Variants in DCC observed in about 807,000 individuals in gnomAD.
DCC encodes the protein netrin receptor DCC.
DCC carries 58 observed loss-of-function variants against 172.5 expected under a neutral mutation model. The observed-to-expected ratio is 0.34, with a 90% CI of 0.27 to 0.42. The LOEUF is 0.42. Ranked by LOEUF, DCC falls within the 10% of genes least tolerant of loss-of-function variation. The probability of loss-of-function intolerance (pLI) is 1.00; values close to 1 mark genes in which losing one functional copy is unlikely to be tolerated. For missense variants in DCC, 1,740 were observed against 1,791.0 expected (o/e 0.97, Z 0.51); for synonymous variants, 709 against 644.5 (o/e 1.10, Z -1.52).
At chr18:53,257,919 T>G (rs567578342) in intron 12 of DCC, among the ~76,000 whole-genome samples, 164 of 152,338 alleles carry the variant, frequency 1.1e-3, no homozygotes, top group Non-Finnish European at 2.0e-3. Flanking sequence ...GAGATTCAAC[T>G]TCTTCCTGGT....
intron 5 of DCC, among the ~76,000 whole-genome samples, chr18:53,028,687 A>G (rs1050420479): frequency 9.9e-5 from 15 of 152,184 alleles, no homozygotes; most frequent in African/African-American, 1.7e-4. Flanking sequence ...AACAAGGACA[A>G]TAGTCTCAAT....
intron 9 of DCC, among the ~76,000 whole-genome samples, chr18:53,201,608 A>G (rs2055538720): frequency 6.6e-6 from 1 of 152,222 alleles, no homozygotes; most frequent in South Asian, 2.1e-4. Context: ...TTTAAAATAC[A>G]GTACTGTGAC....
intron 7 of DCC, among the ~76,000 whole-genome samples, chr18:53,078,249 C>T (rs566885569): frequency 6.6e-6 from 1 of 152,128 alleles, no homozygotes; most frequent in East Asian, 1.9e-4. Flanking sequence ...TATGATGGGG[C>T]CACTGCACTC....
intron 12 of DCC, among the ~76,000 whole-genome samples, chr18:53,280,495 G>A (rs1232361543): frequency 4.6e-5 from 7 of 152,066 alleles, no homozygotes; most frequent in Non-Finnish European, 8.8e-5. Context: ...ATTTCTTTGA[G>A]AAGTTTTTTG....
Position 53,402,788 on chromosome 18 carries a change from C to T in DCC, c.2830C>T (p.Pro944Ser), listed in dbSNP as rs1177212062. 1.2e-6 allele frequency: 2 copies of T among 1,612,586 alleles called. No individual in the cohort carries two copies. Among genetic ancestry groups the T allele is most frequent in the Non-Finnish European group, 1.7e-6 (2 of 1,178,786 alleles). The change falls in exon 19 of 29, where the codon CCC becomes TCC. Residue 944 changes from proline (P) to serine (S), a missense_variant and splice_region_variant. By Grantham distance (74) the Pro-to-Ser change is moderately conservative. Transcript: ENST00000442544. Reference protein sequence around the residue: ...TAHATTYEAAPTSAPKDLTVI... With the variant: ...TAHATTYEAASTSAPKDLTVI... ...CTTATCTCTGTCTCACCTCACAGCC[C>T]CCACCTCTGCTCCCAAGGACTTGAC...
At chr18:52,977,902 AAAAAAG>A (rs1473434080) in intron 5 of DCC, among the ~76,000 whole-genome samples, 2 of 143,804 alleles carry the variant, frequency 1.4e-5, no homozygotes, top group African/African-American at 2.5e-5. Context: ...AAAAGAAAAG[AAAAAAG>A]AAAAAGAAAA....
intron 7 of DCC, among the ~76,000 whole-genome samples, chr18:53,081,162 A>G (rs2042795221): frequency 6.6e-6 from 1 of 151,988 alleles, no homozygotes. Context: ...CACAGATTAG[A>G]ACTGAGAAAT....
At chr18:53,442,052 A>G (rs1209135459) in intron 22 of DCC, among the ~76,000 whole-genome samples, 2 of 152,186 alleles carry the variant, frequency 1.3e-5, no homozygotes, top group Non-Finnish European at 2.9e-5. Context: ...CTTTCATAAT[A>G]AGTCCTTTCA....
chr18:52,752,373 A>G lies in DCC; in HGVS notation c.411A>G (p.Ala137=). ...IISRTAKVAV[A]GPLRFLSQTE... Reference sequence around the variant, plus strand: ...GTCGGACAGCAAAAGTTGCAGTAGCAGGTAGGTGGATTCTTCCTTCTCTTC... The same window carrying G: ...GTCGGACAGCAAAAGTTGCAGTAGCGGGTAGGTGGATTCTTCCTTCTCTTC... The change falls in exon 2 of 29, where the codon GCA becomes GCG. Residue 137 remains alanine, a splice_region_variant and synonymous_variant. Transcript: ENST00000442544. 1.2e-6 allele frequency: 2 copies of G among 1,612,290 alleles called. No homozygotes were observed. Among genetic ancestry groups the G allele is most frequent in the Non-Finnish European group, 1.7e-6 (2 of 1,178,276 alleles).
intron 22 of DCC, among the ~76,000 whole-genome samples, chr18:53,446,115 C>A (rs12960710): frequency 0.52 from 54,849 of 105,622 alleles, 15,297 homozygotes; most frequent in Non-Finnish European, 0.63. Flanking sequence ...AAAAAAAAAA[C>A]AAAAAAAAAC....
chr18:52,766,786 G>C (rs1817998027), intron 2 of DCC, among the ~76,000 whole-genome samples: 1 of 151,956 alleles, frequency 6.6e-6, no homozygotes, highest in African/African-American at 2.4e-5. Flanking sequence ...CAGGAAAACA[G>C]GGATATAAGT....
chr18:52,820,086 C>A (rs2038379064), intron 2 of DCC, among the ~76,000 whole-genome samples: 1 of 152,070 alleles, frequency 6.6e-6, no homozygotes, highest in Non-Finnish European at 1.5e-5. Flanking sequence ...AAATAATTTC[C>A]TGTGGACACA....
intron 19 of DCC, among the ~76,000 whole-genome samples, chr18:53,408,751 A>T (rs1909817602): frequency 6.6e-6 from 1 of 152,194 alleles, no homozygotes; most frequent in Admixed American, 6.5e-5. Context: ...TCCTTCAGGT[A>T]ACTATTATGA....
rs555460980 is a variant in DCC at position 52,681,760 on chromosome 18, G to T, written c.92-70294G>T. Reference sequence around the variant, plus strand: ...ATCAAGTCTTCTTTTCAGTCTGCTTGTTCACTAACACGAGCGCAGACAATG... The same window carrying T: ...ATCAAGTCTTCTTTTCAGTCTGCTTTTTCACTAACACGAGCGCAGACAATG... On this transcript the variant is annotated intron_variant, in intron 1 of 28. Coordinates refer to ENST00000442544, the MANE Select transcript of DCC (RefSeq NM_005215.4). Among the ~76,000 whole-genome samples, 4 of 152,202 alleles carry T rather than the reference G, an allele frequency of 2.6e-5. No homozygotes were observed. In the East Asian group the frequency reaches 7.7e-4, roughly 29 times the overall value.
chr18:52,521,181 T>A (rs1460126548), intron 1 of DCC, among the ~76,000 whole-genome samples: 1 of 152,190 alleles, frequency 6.6e-6, no homozygotes, highest in Admixed American at 6.5e-5. Context: ...ATTGTGAATT[T>A]TTTTTTGAGA....
chr18:52,362,333 G>A (rs1038626124), intron 1 of DCC, among the ~76,000 whole-genome samples: 1 of 152,194 alleles, frequency 6.6e-6, no homozygotes, highest in Non-Finnish European at 1.5e-5. Context: ...GAAGTCACAG[G>A]ACTTACTTGA....
chr18:53,043,610 G>C (rs2042198708), intron 5 of DCC, among the ~76,000 whole-genome samples: 1 of 151,844 alleles, frequency 6.6e-6, no homozygotes, highest in Non-Finnish European at 1.5e-5. Flanking sequence ...AAGAACTTCA[G>C]ATCACTTTAT....
intron 1 of DCC, among the ~76,000 whole-genome samples, chr18:52,609,183 A>G (rs1316535765): frequency 6.6e-6 from 1 of 152,192 alleles, no homozygotes; most frequent in Non-Finnish European, 1.5e-5. Context: ...GCCGAGGTAC[A>G]ACATAAGGAA....
intron 1 of DCC, among the ~76,000 whole-genome samples, chr18:52,397,715 A>G (rs939380263): frequency 6.6e-6 from 1 of 151,990 alleles, no homozygotes; most frequent in Admixed American, 6.6e-5. Context: ...CACTGGAGTA[A>G]TAATAGGAGC....
Sources: allele counts gnomAD v4.1 joint callset (sites outside exome capture counted in the v4.1 genomes callset), GRCh38; gene constraint gnomAD v4.1.1; transcripts MANE v1.5; gene names NCBI Gene and HGNC (gene_info 2026-07-23, HGNC 2026-07-21).